The following CCDC196 variants were observed in gnomAD, a reference collection of about 807,000 sequenced individuals.
The protein encoded by CCDC196 is coiled-coil domain containing 196.
rs1352621683 is a variant in CCDC196, at chr14:66,492,132, C to T, written c.653C>T (p.Ser218Leu). The T allele has an allele frequency of 2.4e-6, 1 of 413,592 alleles. No individual in the cohort carries two copies. Among genetic ancestry groups the T allele is most frequent in the Non-Finnish European group, 4.4e-6 (1 of 226,196 alleles). The allele number at this position is 413,592 out of a possible 1,614,324, so 25.6% of individuals were successfully genotyped here. The change falls in exon 8 of 10, where the codon TCA becomes TTA. Residue 218 changes from serine (S) to leucine (L), a missense_variant. Transcript: ENST00000636229. ...NYQKANDLKLSLYLQQNFEPM... is the reference protein window; with the variant it reads ...NYQKANDLKLLLYLQQNFEPM... The stretch of plus-strand genomic sequence containing the variant: ...CAGAAGGCCAATGACCTGAAATTAT[C>T]ACTGTATTTGCAGCAGAATTTTGAG...
chr14:66,495,503 T>C (rs1467233962), intron 8 of CCDC196, among the ~76,000 whole-genome samples: 2 of 152,210 alleles, frequency 1.3e-5, no homozygotes, highest in South Asian at 2.1e-4. Context: ...TGCTACAAAA[T>C]GGATGTGTAA....
intron 8 of CCDC196, chr14:66,493,654 T>C (rs1359781501): frequency 1.3e-5 from 2 of 152,222 alleles, no homozygotes; most frequent in East Asian, 3.8e-4. Context: ...TTCAGGTACA[T>C]AAGACTCTCT....
chr14:66,498,051 G>GTTT, intron 8 of CCDC196, 58 bp from the exon 9 acceptor site: 5 of 353,074 alleles, frequency 1.4e-5, no homozygotes, highest in Non-Finnish European at 2.1e-5. Context: ...AAAACTAGTG[G>GTTT]TTTTTTTTTT....
intron 8 of CCDC196, 92 bp downstream of exon 8, chr14:66,492,286 C>A: frequency 2.5e-6 from 1 of 407,478 alleles, no homozygotes; most frequent in Non-Finnish European, 4.4e-6. Flanking sequence ...AACACAATGC[C>A]TGGCACACAG....
At chr14:66,489,305 T>G (rs1413296146) in intron 4 of CCDC196, among the ~76,000 whole-genome samples, 1 of 152,214 alleles carries the variant, frequency 6.6e-6, no homozygotes, top group East Asian at 1.9e-4. Context: ...TGTCCTTCCC[T>G]TGCTTTCTAT....
At chr14:66,498,051 G>T (rs532244111) in intron 8 of CCDC196, 58 bp from the exon 9 acceptor site, 50 of 353,374 alleles carry the variant, frequency 1.4e-4, no homozygotes, top group South Asian at 1.0e-3. Flanking sequence ...AAAACTAGTG[G>T]TTTTTTTTTT....
At chr14:66,490,149 C>A (rs1254263409) in intron 4 of CCDC196, among the ~76,000 whole-genome samples, 1 of 152,086 alleles carries the variant, frequency 6.6e-6, no homozygotes, top group African/African-American at 2.4e-5. Flanking sequence ...TTCTTGAGTC[C>A]TCGTAATAGG....
chr14:66,490,357 C>T (rs1367151793), intron 4 of CCDC196, among the ~76,000 whole-genome samples: 2 of 152,176 alleles, frequency 1.3e-5, no homozygotes, highest in Non-Finnish European at 1.5e-5. Flanking sequence ...AGTTGTGTAA[C>T]CCTAAACAAA....
chr14:66,497,111 C>T (rs1011212658), intron 8 of CCDC196, among the ~76,000 whole-genome samples: 2 of 152,080 alleles, frequency 1.3e-5, no homozygotes, highest in Non-Finnish European at 2.9e-5. Flanking sequence ...GGCGGAAAAC[C>T]ACAGCTAGCT....
intron 8 of CCDC196, among the ~76,000 whole-genome samples, chr14:66,495,466 C>T (rs2057640101): frequency 6.6e-6 from 1 of 152,186 alleles, no homozygotes. Flanking sequence ...TTCTTGGCTC[C>T]ATATTCAATC....
In CCDC196 at chr14:66,488,992, G is replaced by A; in HGVS notation, c.306G>A (p.Arg102=). ...GGTTCTTCCCCCTCCAACAGGAAAG[G>A]AAAAACAAGATGCTTCGGAAGGAAA... ...EAEEMKQNLE[R]KNKMLRKEME... is the part of the protein sequence containing the mutation. Residue 102 remains arginine (R), a synonymous_variant, in exon 4 of 10, where the codon AGG becomes AGA. Transcript: ENST00000636229. 2.4e-6 allele frequency: 1 copy of A among 413,230 alleles called. No individual in the cohort carries two copies. Among genetic ancestry groups the A allele is most frequent in the South Asian group, 1.3e-4 (1 of 7,850 alleles). The allele number at this position is 413,230 out of a possible 1,614,324, so 25.6% of individuals were successfully genotyped here.
intron 8 of CCDC196, chr14:66,496,661 G>A: frequency 4.5e-6 from 1 of 223,244 alleles, no homozygotes; most frequent in Non-Finnish European, 9.1e-6. Context: ...ACCTATCTTA[G>A]AGAGCACAGG....
Position 66,488,256 on chromosome 14 carries a change from G to A in CCDC196, c.300G>A (p.Leu100=), listed in dbSNP as rs942323396. 1 of 412,834 alleles carries A rather than the reference G, an allele frequency of 2.4e-6. No homozygotes were observed. Among genetic ancestry groups the A allele is most frequent in the Non-Finnish European group, 4.4e-6 (1 of 225,770 alleles). 25.6% of individuals were successfully genotyped at this position (412,834 alleles called of 1,614,324 possible). ...LKEAEEMKQN[L]ERKNKMLRKE... is the part of the protein sequence containing the mutation. ...AAGCAGAGGAGATGAAACAGAACTT[G>A]GTAAGAAGTAGGAGGGACTCCAGGA... The change falls in exon 3 of 10, where the codon TTG becomes TTA. Residue 100 remains leucine (L), a splice_region_variant and synonymous_variant. Transcript: ENST00000636229.
chr14:66,496,129 C>G (rs2057660060), intron 8 of CCDC196: 1 of 359,204 alleles, frequency 2.8e-6, no homozygotes, highest in South Asian at 2.2e-5. Flanking sequence ...TTCTTTTTCT[C>G]TAGTTTCAAA....
intron 8 of CCDC196, chr14:66,493,720 T>C (rs949464512): frequency 6.6e-6 from 1 of 152,204 alleles, no homozygotes; most frequent in Non-Finnish European, 1.5e-5. Context: ...GAACTGACTA[T>C]CCTTCAGGCA....
chr14:66,488,255 T>C lies in CCDC196; in HGVS notation c.299T>C (p.Leu100Ser), dbSNP rs577495151. The C allele has an allele frequency of 2.7e-5, 11 of 412,776 alleles. No homozygotes were observed. Among genetic ancestry groups the C allele is most frequent in the Admixed American group, 2.2e-4 (5 of 22,698 alleles). 25.6% of individuals were successfully genotyped at this position (412,776 alleles called of 1,614,324 possible). ...LKEAEEMKQN[L>S]ERKNKMLRKE... The stretch of plus-strand genomic sequence containing the variant: ...GAAGCAGAGGAGATGAAACAGAACT[T>C]GGTAAGAAGTAGGAGGGACTCCAGG... Residue 100 changes from leucine (L) to serine (S), a missense_variant and splice_region_variant, in exon 3 of 10, where the codon TTG (leucine) becomes TCG (serine). By Grantham distance (145) the Leu-to-Ser change is moderately radical (BLOSUM62 -2). Coordinates refer to ENST00000636229, the MANE Select transcript of CCDC196 (RefSeq NM_001351576.1).
intron 8 of CCDC196, chr14:66,495,580 G>A (rs563739160): frequency 6.6e-6 from 1 of 152,300 alleles, no homozygotes; most frequent in South Asian, 2.1e-4. Flanking sequence ...TTTATTATCT[G>A]TTTAACGTAT....
At position 66,498,098 on chromosome 14, in the gene CCDC196, T is replaced by G. The variant is rs2139622714; in HGVS notation, c.716-11T>G. The G allele has an allele frequency of 2.4e-6, 1 of 412,500 alleles. No individual in the cohort carries two copies. The highest frequency in any genetic ancestry group is 1.3e-4 in the South Asian group (1 of 7,838). 25.6% of individuals were successfully genotyped at this position (412,500 alleles called of 1,614,324 possible). A position where few individuals can be genotyped will look rare whatever the true frequency, so the allele number is the denominator to read the frequency against. On this transcript the variant is annotated splice_polypyrimidine_tract_variant and intron_variant, in intron 8 of 9. Transcript: ENST00000636229. ...AAAAGAAGCTCTTATTTTCCTAATG[T>G]TTCCCCTTAGGTACTATGGGCATTA...
chr14:66,487,273 G>A (rs1228376626), intron 2 of CCDC196, among the ~76,000 whole-genome samples: 1 of 152,126 alleles, frequency 6.6e-6, no homozygotes, highest in East Asian at 1.9e-4. Flanking sequence ...CTTTACCAGA[G>A]CACTCACTGT....
Sources: allele counts gnomAD v4.1 joint callset (sites outside exome capture counted in the v4.1 genomes callset), GRCh38; gene constraint gnomAD v4.1.1; transcripts MANE v1.5; gene names NCBI Gene and HGNC (gene_info 2026-07-23, HGNC 2026-07-21).